PRDM11: variants seen among roughly 807,000 people sequenced by gnomAD.
The protein encoded by PRDM11 is PR domain-containing protein 11.
In PRDM11, 20 loss-of-function variants were observed where a neutral mutation model predicts 97.8. The ratio of observed to expected loss-of-function variants is 0.20; its 90% CI spans 0.14 to 0.30. The LOEUF is 0.30. Among genes scored for constraint, PRDM11 ranks in the 10% least tolerant of loss-of-function variants. The probability of loss-of-function intolerance (pLI) is 1.00; values close to 1 mark genes in which losing one functional copy is unlikely to be tolerated. For missense variants in PRDM11, 1,139 were observed against 1,555.2 expected (o/e 0.73, Z 4.50); for synonymous variants, 599 against 637.7 (o/e 0.94, Z 0.91).
chr11:45,182,127 C>A (rs541750647), intron 2 of PRDM11, 119 bp from the exon 3 acceptor site: 2 of 872,300 alleles, frequency 2.3e-6, no homozygotes, highest in Non-Finnish European at 3.6e-6. Flanking sequence ...CTGGCTGGGA[C>A]TCCTCTGCCC....
At chr11:45,206,800 G>A (rs1023694417) in intron 5 of PRDM11, among the ~76,000 whole-genome samples, 9 of 152,236 alleles carry the variant, frequency 5.9e-5, no homozygotes, top group Non-Finnish European at 2.9e-5. Context: ...TGCCACAGTG[G>A]TCAAGCTGAG....
At chr11:45,174,240 G>C (rs1022982344) in intron 1 of PRDM11, among the ~76,000 whole-genome samples, 1 of 152,264 alleles carries the variant, frequency 6.6e-6, no homozygotes, top group Non-Finnish European at 1.5e-5. Context: ...TTTCTGCATA[G>C]TATTCTATCC....
At chr11:45,128,205 A>G (rs113277214) in intron 1 of PRDM11, among the ~76,000 whole-genome samples, 3,501 of 152,348 alleles carry the variant, frequency 0.023, 96 homozygotes, top group Middle Eastern at 0.071. Flanking sequence ...GGCAAAGTGC[A>G]GTATTAGGGT....
At chr11:45,165,853 C>A (rs1207730960) in intron 1 of PRDM11, among the ~76,000 whole-genome samples, 2 of 152,182 alleles carry the variant, frequency 1.3e-5, no homozygotes, top group African/African-American at 4.8e-5. Context: ...AGTTAATGGG[C>A]CCTTCACTCC....
chr11:45,217,472 C>T (rs1236753298), intron 5 of PRDM11, among the ~76,000 whole-genome samples: 1 of 152,164 alleles, frequency 6.6e-6, no homozygotes, highest in Non-Finnish European at 1.5e-5. Flanking sequence ...CAAATTCTGG[C>T]GGATCTAAGC....
chr11:45,145,204 G>A (rs1191993459), upstream of PRDM11, among the ~76,000 whole-genome samples: 1 of 152,186 alleles, frequency 6.6e-6, no homozygotes, highest in African/African-American at 2.4e-5. Context: ...CTTTGCAGAT[G>A]TGGGAAATAA....
At chr11:45,177,088 T>C (rs1316581844) in intron 1 of PRDM11, among the ~76,000 whole-genome samples, 1 of 152,182 alleles carries the variant, frequency 6.6e-6, no homozygotes, top group East Asian at 1.9e-4. Context: ...CCTTCTAGAT[T>C]CTCATGGTGC....
chr11:45,099,536 C>G (rs1851937458), intron 1 of PRDM11, among the ~76,000 whole-genome samples: 1 of 149,702 alleles, frequency 6.7e-6, no homozygotes, highest in African/African-American at 2.5e-5. Context: ...GAGGAAGCAC[C>G]TGCCTTACAC....
Position 45,227,614 on chromosome 11 carries a change from A to G in PRDM11, c.2989A>G (p.Ser997Gly). The G allele has an allele frequency of 6.5e-7, 1 of 1,533,810 alleles. No homozygotes were observed. The highest frequency in any genetic ancestry group is 8.7e-7 in the Non-Finnish European group (1 of 1,146,714). ...GTTTGACCTGGCTGCCTGGCCCAGG[A>G]GCAGTGAGGAGCTGATGAGCTATGG... ...QVFDLAAWPR[S>G]SEELMSYGKE... Residue 997 changes from serine to glycine, a missense_variant, in exon 8 of 8, where the codon AGC (serine) becomes GGC (glycine). Physicochemically the swap from Ser to Gly is moderately conservative, Grantham distance 56. This residue lies in a region of PRDM11 where 710 missense variants were observed against 1,044.9 expected (regional missense o/e 0.68). Transcript: ENST00000683152. This position sits in a 1 kb window ranked among gnomAD's most constrained non-coding sequence, Gnocchi z 8.0.
chr11:45,224,996 C>T (rs1285355934), intron 7 of PRDM11, 153 bp downstream of exon 7: 13 of 1,494,972 alleles, frequency 8.7e-6, no homozygotes, highest in Non-Finnish European at 1.1e-5. Flanking sequence ...AGCCCAGGTC[C>T]TCAGTGTCTC....
intron 4 of PRDM11, among the ~76,000 whole-genome samples, chr11:45,192,098 GT>G (rs1041694279): frequency 6.6e-6 from 1 of 152,102 alleles, no homozygotes; most frequent in African/African-American, 2.4e-5. Flanking sequence ...GGATGGATGA[GT>G]TGATGCAAAT....
chr11:45,225,193 A>G (rs1268107767), intron 7 of PRDM11: 1 of 1,195,788 alleles, frequency 8.4e-7, no homozygotes. Context: ...CCCAGTCTCA[A>G]GCAGGGTGTC....
chr11:45,131,840 A>T (rs1852728117), intron 1 of PRDM11, among the ~76,000 whole-genome samples: 1 of 152,208 alleles, frequency 6.6e-6, no homozygotes, highest in Non-Finnish European at 1.5e-5. Context: ...AGGAGTCCAA[A>T]GATAGGGCAA....
At chr11:45,140,828 C>A (rs1218901243) in intron 1 of PRDM11, among the ~76,000 whole-genome samples, 1 of 152,036 alleles carries the variant, frequency 6.6e-6, no homozygotes, top group Non-Finnish European at 1.5e-5. Context: ...CAACCCTCTA[C>A]AAGACTGAGA....
At chr11:45,162,302 T>G (rs1194564808) in intron 1 of PRDM11, among the ~76,000 whole-genome samples, 1 of 152,048 alleles carries the variant, frequency 6.6e-6, no homozygotes, top group Non-Finnish European at 1.5e-5. Context: ...GGGGCTCCAG[T>G]GCTTCTCCCA....
At position 45,183,107 on chromosome 11, in the gene PRDM11, GCTT is replaced by G. The variant is rs1565299323; in HGVS notation, c.476_478del (p.Phe159del). The G allele has an allele frequency of 3.1e-6, 5 of 1,613,280 alleles. No individual in the cohort carries two copies. The highest frequency in any genetic ancestry group is 2.7e-5 in the African/African-American group (2 of 75,022). On this transcript the variant is annotated inframe_deletion, in exon 4 of 8. Transcript: ENST00000683152. ...ATCTCCACCCAGGACAAATCAGCTGGCTTCTTCTCCTGGCTGGTGAGTGTGCCC... is the reference window on the plus strand; with the variant it reads ...ATCTCCACCCAGGACAAATCAGCTGGCTTCTCCTGGCTGGTGAGTGTGCCC...
rs915893391 is a variant in PRDM11 at position 45,234,571 on chromosome 11, G to C, written c.*6412G>C. On this transcript the variant is annotated 3_prime_UTR_variant, in exon 8 of 8. Coordinates refer to ENST00000683152, the MANE Select transcript of PRDM11 (RefSeq NM_001384648.1). ...TCCCACTGCAGTGGACTAGACCCAC[G>C]GCCAGGGGATGGGCATCCCCAGGTA... The C allele has an allele frequency of 6.6e-6, 1 of 152,270 alleles. No homozygotes were observed. The highest frequency in any genetic ancestry group is 6.5e-5 in the Admixed American group (1 of 15,272). The allele number at this position is 152,270 out of a possible 1,614,324, so 9.4% of individuals were successfully genotyped here.
intron 5 of PRDM11, chr11:45,209,176 C>A (rs751576807): frequency 6.6e-6 from 3 of 452,708 alleles, no homozygotes; most frequent in South Asian, 3.1e-5. Context: ...GGGGGCCGGG[C>A]CCCCACCATC....
At chr11:45,181,655 G>A in intron 1 of PRDM11, 106 bp from the exon 2 acceptor site, 1 of 857,438 alleles carries the variant, frequency 1.2e-6, no homozygotes, top group Non-Finnish European at 1.8e-6. Flanking sequence ...TGGCAGGGAG[G>A]GTAACCAGAC....
Sources: allele counts gnomAD v4.1 joint callset (sites outside exome capture counted in the v4.1 genomes callset), GRCh38; gene constraint gnomAD v4.1.1; regional missense constraint gnomAD v4.1.1; non-coding constraint Gnocchi (gnomAD v3.1); transcripts MANE v1.5; gene names NCBI Gene and HGNC (gene_info 2026-07-23, HGNC 2026-07-21).